The following CRB2 variants were observed in gnomAD, a reference collection of about 807,000 sequenced individuals.
CRB2 encodes crumbs cell polarity complex component 2, also known as protein crumbs homolog 2.
A neutral mutation model predicts 110.9 loss-of-function variants in CRB2; 85 were observed. The observed-to-expected ratio is 0.77, with a 90% confidence interval of 0.64 to 0.92. The LOEUF (loss-of-function observed/expected upper bound fraction) is 0.92. Among genes scored for constraint, CRB2 ranks in the 40% least tolerant of loss-of-function variants. The pLI, the probability that CRB2 is intolerant of heterozygous loss-of-function variation, is 0.00. For missense variants in CRB2, 1,843 were observed against 1,851.3 expected (o/e 1.00, Z 0.08); for synonymous variants, 907 against 831.0 (o/e 1.09, Z -1.57).
chr9:123,372,653 A>G (rs2042033220), intron 9 of CRB2, among the ~76,000 whole-genome samples: 1 of 152,192 alleles, frequency 6.6e-6, no homozygotes, highest in Non-Finnish European at 1.5e-5. Flanking sequence ...GGGGTGGGAA[A>G]GTTGGTAGGG....
chr9:123,368,625 C>T (rs576099094), intron 6 of CRB2, among the ~76,000 whole-genome samples: 15 of 152,382 alleles, frequency 9.8e-5, no homozygotes, highest in African/African-American at 2.6e-4. Flanking sequence ...GGGAACCCGG[C>T]TCCTCTCCCA....
chr9:123,355,609 G>C (rs1191369540), upstream of CRB2, among the ~76,000 whole-genome samples: 1 of 149,294 alleles, frequency 6.7e-6, no homozygotes, highest in African/African-American at 2.5e-5. Context: ...ACACTGAGAA[G>C]GTGGCATGGC....
In CRB2 at chr9:123,370,390, G is replaced by T. The variant is rs1433951309; in HGVS notation, c.1337G>T (p.Gly446Val). The change falls in exon 7 of 13, where the codon GGG (glycine) becomes GTG (valine). Residue 446 changes from glycine to valine, a missense_variant. Gly to Val is a moderately radical substitution (Grantham distance 109). Transcript: ENST00000373631. The stretch of plus-strand genomic sequence containing the variant: ...AATACCACCTTCTCTGTGATGGCTG[G>T]GAGCCCCATTCAGGCATCAGTGCCA... The part of the protein sequence containing the change: ...GQNTTFSVMA[G>V]SPIQASVPAG... 1 of 1,613,700 alleles carries T rather than the reference G, an allele frequency of 6.2e-7. No homozygotes were observed. The highest frequency in any genetic ancestry group is 1.1e-5 in the South Asian group (1 of 91,080).
chr9:123,355,682 G>A (rs544391689), upstream of CRB2, among the ~76,000 whole-genome samples: 11 of 145,438 alleles, frequency 7.6e-5, no homozygotes, highest in African/African-American at 1.8e-4. Context: ...TGGGCTGCCC[G>A]ATGGGAGGTG....
chr9:123,366,066 A>G lies in CRB2; in HGVS notation c.568A>G (p.Ser190Gly). The G allele has an allele frequency of 6.4e-7, 1 of 1,571,276 alleles. No homozygotes were observed. The change falls in exon 3 of 13, where the codon AGC becomes GGC. Residue 190 changes from serine (S) to glycine (G), a missense_variant. Physicochemically the swap from Ser to Gly is moderately conservative, Grantham distance 56 (BLOSUM62 0). Coordinates refer to ENST00000373631, the MANE Select transcript of CRB2 (RefSeq NM_173689.7). Reference protein sequence around the residue: ...RCQLDLDECQSQPCAHGGTCH... With the variant: ...RCQLDLDECQGQPCAHGGTCH... ...CCAGCTGGACCTCGACGAGTGCCAG[A>G]GCCAGCCGTGCGCACATGGGGGCAC...
rs13292341 is a variant in CRB2, at chr9:123,366,065, G to A, written c.567G>A (p.Gln189=). The A allele has an allele frequency of 3.8e-6, 6 of 1,571,986 alleles. No homozygotes were observed. The Admixed American group carries it at 8.8e-5, about 23-fold the overall frequency. Residue 189 remains glutamine (Q), a synonymous_variant, in exon 3 of 13, where the codon CAG becomes CAA. Coordinates refer to ENST00000373631, the MANE Select transcript of CRB2 (RefSeq NM_173689.7). ...GCCAGCTGGACCTCGACGAGTGCCA[G>A]AGCCAGCCGTGCGCACATGGGGGCA... The part of the protein sequence containing the change: ...TRCQLDLDEC[Q]SQPCAHGGTC...
chr9:123,357,733 C>T (rs2041816756), intron 1 of CRB2, among the ~76,000 whole-genome samples: 1 of 152,224 alleles, frequency 6.6e-6, no homozygotes, highest in Non-Finnish European at 1.5e-5. Flanking sequence ...CTCACACACC[C>T]ACACTCCGCA....
chr9:123,371,054 C>A lies in CRB2; in HGVS notation c.1928-16C>A. 17 of 1,606,572 alleles carry A rather than the reference C, an allele frequency of 1.1e-5. No homozygotes were observed. Among genetic ancestry groups the A allele is most frequent in the East Asian group, 2.2e-5 (1 of 44,830 alleles). On this transcript the variant is annotated splice_polypyrimidine_tract_variant and intron_variant, in intron 7 of 12. Transcript: ENST00000373631. ...CAGCCTGCAGGCCTCACACCTGGCA[C>A]CTTCTCTCCCTGCAGAGATTCCTGC...
At chr9:123,355,546 A>T (rs763378602), upstream of CRB2, among the ~76,000 whole-genome samples, 21 of 136,122 alleles carry the variant, frequency 1.5e-4, no homozygotes, top group Non-Finnish European at 2.8e-4. Context: ...CCTGAGGCCG[A>T]TGGTGGGAGG....
At position 123,363,058 on chromosome 9, in the gene CRB2, C is replaced by T. The variant is rs372604407; in HGVS notation, c.288C>T (p.Cys96=). The change falls in exon 2 of 13, where the codon TGC becomes TGT. Residue 96 remains cysteine, a synonymous_variant. Coordinates refer to ENST00000373631, the MANE Select transcript of CRB2 (RefSeq NM_173689.7). Reference sequence around the variant, plus strand: ...ATCCCACCGGCTTCCGCTGCTACTGCGTGCCGGGTTTCCAGGGCCCACGCT... The same window carrying T: ...ATCCCACCGGCTTCCGCTGCTACTGTGTGCCGGGTTTCCAGGGCCCACGCT... ...GPDPTGFRCY[C]VPGFQGPRCE... 3.8e-5 allele frequency: 61 copies of T among 1,611,832 alleles called. No homozygotes were observed. In the African/African-American group the frequency reaches 5.6e-4, roughly 15 times the overall value.
chr9:123,374,385 C>T (rs1475091687), intron 10 of CRB2, among the ~76,000 whole-genome samples, 194 bp from the exon 11 acceptor site: 1 of 149,648 alleles, frequency 6.7e-6, no homozygotes, highest in African/African-American at 2.5e-5. Flanking sequence ...TGTCCTGAGT[C>T]CTCTGAGACT....
In CRB2 at chr9:123,378,426, C is replaced by T. The variant is rs1196770178; in HGVS notation, c.*1364C>T. 6.6e-6 allele frequency: 1 copy of T among 152,314 alleles called. No individual in the cohort carries two copies. Among genetic ancestry groups the T allele is most frequent in the African/African-American group, 2.4e-5 (1 of 41,466 alleles). The allele number at this position is 152,314 out of a possible 1,614,324, so 9.4% of individuals were successfully genotyped here. A position where few individuals can be genotyped will look rare whatever the true frequency, so the allele number is the denominator to read the frequency against. On this transcript the variant is annotated 3_prime_UTR_variant, in exon 13 of 13. Transcript: ENST00000373631. ...CTTTTGGGTCGACAGTCAGCTTTTC[C>T]TTTTGGTTTTGGCGGGTCCCAGAGG...
rs1367901329 is a variant in CRB2 at position 123,373,844 on chromosome 9, C to T, written c.3313C>T (p.Arg1105Cys). The T allele has an allele frequency of 2.6e-6, 4 of 1,566,108 alleles. No individual in the cohort carries two copies. Among genetic ancestry groups the T allele is most frequent in the East Asian group, 2.4e-5 (1 of 42,436 alleles). ...VDPCHSAPCA[R>C]GRCHTHPDGR... ...CCCCTGTCACTCCGCCCCCTGCGCC[C>T]GTGGCCGCTGTCACACGCACCCCGA... The change falls in exon 10 of 13, where the codon CGT (arginine) becomes TGT (cysteine). Residue 1105 changes from arginine to cysteine, a missense_variant. Coordinates refer to ENST00000373631, the MANE Select transcript of CRB2 (RefSeq NM_173689.7).
At position 123,356,238 on chromosome 9, in the gene CRB2, AGCAGAGC is replaced by A. The variant is rs60364866; in HGVS notation, c.-14_-8del. The A allele has an allele frequency of 0.69, 994,192 of 1,451,146 alleles. 341,394 individuals carry two copies. Among genetic ancestry groups the A allele is most frequent in the Admixed American group, 0.8 (28,982 of 36,396 alleles). 89.9% of individuals were successfully genotyped at this position (1,451,146 alleles called of 1,614,324 possible). On this transcript the variant is annotated 5_prime_UTR_variant, in exon 1 of 13. Coordinates refer to ENST00000373631, the MANE Select transcript of CRB2 (RefSeq NM_173689.7). ...CGCCCTCCCGTTCTCACAGCAGCCGAGCAGAGCGCAGAGCGGGCTGCCATGGCGCTGG... is the reference window on the plus strand; with the variant it reads ...CGCCCTCCCGTTCTCACAGCAGCCGAGCAGAGCGGGCTGCCATGGCGCTGG...
chr9:123,360,681 A>AT (rs1223417965), intron 1 of CRB2, among the ~76,000 whole-genome samples: 1 of 152,150 alleles, frequency 6.6e-6, no homozygotes, highest in Non-Finnish European at 1.5e-5. Context: ...TGGGCCCGTG[A>AT]TTCCGGGAAG....
intron 5 of CRB2, 77 bp downstream of exon 5, chr9:123,367,434 C>G: frequency 1.1e-6 from 1 of 931,534 alleles, no homozygotes; most frequent in South Asian, 1.9e-5. Flanking sequence ...CCCCCACCCC[C>G]CCCACCCCCC....
chr9:123,361,773 G>A (rs951621), intron 1 of CRB2, among the ~76,000 whole-genome samples: 34,069 of 152,146 alleles, frequency 0.22, 4,694 homozygotes, highest in Non-Finnish European at 0.31. Context: ...ACTGGGAAAC[G>A]GAGGCTCTGT....
intron 2 of CRB2, among the ~76,000 whole-genome samples, chr9:123,364,999 C>T (rs1194079276): frequency 5.3e-5 from 8 of 152,174 alleles, no homozygotes; most frequent in African/African-American, 1.4e-4. Flanking sequence ...TGGTGGCTCA[C>T]GCCTGTAATC....
Position 123,370,214 on chromosome 9 carries a change from C to T in CRB2, c.1161C>T (p.Thr387=). 1.9e-6 allele frequency: 3 copies of T among 1,613,206 alleles called. No individual in the cohort carries two copies. Among genetic ancestry groups the T allele is most frequent in the Non-Finnish European group, 2.5e-6 (3 of 1,179,986 alleles). Residue 387 remains threonine, a synonymous_variant, in exon 7 of 13, where the codon ACC becomes ACT. Coordinates refer to ENST00000373631, the MANE Select transcript of CRB2 (RefSeq NM_173689.7). ...VAGYICRCPE[T]WGGRDCSVQL... is the part of the protein sequence containing the mutation. Reference sequence around the variant, plus strand: ...GCTATATCTGCAGGTGCCCAGAGACCTGGGGTGGGCGCGACTGTTCTGTGC... The same window carrying T: ...GCTATATCTGCAGGTGCCCAGAGACTTGGGGTGGGCGCGACTGTTCTGTGC...
Sources: gnomAD v4.1 joint callset for allele counts (sites outside exome capture counted in the v4.1 genomes callset) on GRCh38, gnomAD v4.1.1 for gene constraint, MANE v1.5 for transcripts, NCBI Gene and HGNC (gene_info 2026-07-23, HGNC 2026-07-21) for gene names.